CD276: variants seen among roughly 807,000 people sequenced by gnomAD.
The protein encoded by CD276 is CD276 antigen.
CD276 carries 34 observed loss-of-function variants against 50.0 expected under a neutral mutation model. That is an observed-to-expected ratio of 0.68 (90% CI 0.52 to 0.91). The LOEUF is 0.91. Among genes scored for constraint, CD276 ranks in the 40% least tolerant of loss-of-function variants. The pLI is 0.00. For synonymous variants in CD276, 275 were observed against 313.0 expected, an observed-to-expected ratio of 0.88 and a Z score of 1.28; for missense variants, 634 against 717.5, an observed-to-expected ratio of 0.88 and a Z score of 1.33.
chr15:73,702,932 G>A lies in CD276; in HGVS notation c.579G>A (p.Ser193=), dbSNP rs764632821. The change falls in exon 4 of 10, where the codon TCG becomes TCA. Residue 193 remains serine, a synonymous_variant. Coordinates refer to ENST00000318443, the MANE Select transcript of CD276 (RefSeq NM_001024736.2). ...GVPLTGNVTT[S]QMANEQGLFD... is the part of the protein sequence containing the mutation. Reference sequence around the variant, plus strand: ...CCCTGACTGGCAACGTGACCACGTCGCAGATGGCCAACGAGCAGGGCTTGT... The same window carrying A: ...CCCTGACTGGCAACGTGACCACGTCACAGATGGCCAACGAGCAGGGCTTGT... 6.9e-5 allele frequency: 112 copies of A among 1,614,030 alleles called. No homozygotes were observed. The highest frequency in any genetic ancestry group is 2.1e-4 in the South Asian group (19 of 91,092).
rs1020838329 is a variant in CD276 at position 73,704,906 on chromosome 15, A to T, written c.1369+434A>T. ...TGGCCCTCCCTAGTTAGTCCCCAAC[A>T]CCTGAGTCAACGTCAGCTCTTCTTC... On this transcript the variant is annotated intron_variant, in intron 6 of 9. Transcript: ENST00000318443. This position sits in a 1 kb window ranked among gnomAD's most constrained non-coding sequence, Gnocchi z 4.1. Among the ~76,000 whole-genome samples, 1 of 152,158 alleles carries T rather than the reference A, an allele frequency of 6.6e-6. No individual in the cohort carries two copies. Among genetic ancestry groups the T allele is most frequent in the African/African-American group, 2.4e-5 (1 of 41,462 alleles).
At position 73,709,662 on chromosome 15, in the gene CD276, G is replaced by A. The variant is rs199731294; in HGVS notation, c.1519G>A (p.Asp507Asn). The part of the protein sequence containing the change: ...EEENAGAEDQ[D>N]GEGEGSKTAL... ...TGCCTTTGCAGGAGCTGAGGACCAG[G>A]ATGGGGAGGGAGAAGGCTCCAAGAC... Residue 507 changes from aspartate (D) to asparagine (N), a missense_variant, in exon 8 of 10, where the codon GAT (aspartate) becomes AAT (asparagine). Physicochemically the swap from Asp to Asn is conservative, Grantham distance 23. Transcript: ENST00000318443. 26 of 1,613,126 alleles carry A rather than the reference G, an allele frequency of 1.6e-5. No individual in the cohort carries two copies. The highest frequency in any genetic ancestry group is 8.9e-5 in the East Asian group (4 of 44,868).
At chr15:73,698,740 T>A (rs866783544) in intron 1 of CD276, among the ~76,000 whole-genome samples, 2 of 137,290 alleles carry the variant, frequency 1.5e-5, no homozygotes, top group African/African-American at 7.3e-5. Flanking sequence ...ATTTGTATTT[T>A]TAGTAGAGAT....
At chr15:73,701,936 C>A (rs935374155) in intron 2 of CD276, among the ~76,000 whole-genome samples, 1 of 152,172 alleles carries the variant, frequency 6.6e-6, no homozygotes, top group Non-Finnish European at 1.5e-5. Context: ...CTGCTGGCTC[C>A]TTTTCCTCAC....
In CD276 at chr15:73,703,043, T is replaced by C; in HGVS notation, c.690T>C (p.Asp230=). 6.2e-7 allele frequency: 1 copy of C among 1,612,862 alleles called. No individual in the cohort carries two copies. The change falls in exon 4 of 10, where the codon GAT becomes GAC. Residue 230 remains aspartate, a synonymous_variant. Coordinates refer to ENST00000318443, the MANE Select transcript of CD276 (RefSeq NM_001024736.2). ...CLVRNPVLQQ[D]AHSSVTITPQ... ...TGCGCAACCCCGTGCTGCAGCAGGA[T>C]GCGCACAGCTCTGTCACCATCACAC... is the stretch of plus-strand genomic sequence containing the variant.
At chr15:73,703,573 A>G (rs1361673916) in intron 4 of CD276, 86 bp from the exon 5 acceptor site, 2 of 1,064,542 alleles carry the variant, frequency 1.9e-6, no homozygotes, top group South Asian at 1.6e-5. Context: ...CTGGGAATTG[A>G]TGGGGGAAGA....
At position 73,708,669 on chromosome 15, in the gene CD276, T is replaced by C. The variant is rs1447347495; in HGVS notation, c.1504+196T>C. 4 of 624,548 alleles carry C rather than the reference T, an allele frequency of 6.4e-6. No individual in the cohort carries two copies. In the African/African-American group the frequency reaches 7.4e-5, roughly 11 times the overall value. 38.7% of individuals were successfully genotyped at this position (624,548 alleles called of 1,614,324 possible). ...GAACAAGCGTGAGCCTGTCTGTCCATGTGCAGATACCACAGGATGAATGTG... is the reference window on the plus strand; with the variant it reads ...GAACAAGCGTGAGCCTGTCTGTCCACGTGCAGATACCACAGGATGAATGTG... On this transcript the variant is annotated intron_variant, in intron 7 of 9. Transcript: ENST00000318443.
Position 73,704,583 on chromosome 15 carries a change from T to G in CD276, c.1369+111T>G. 4 of 1,371,762 alleles carry G rather than the reference T, an allele frequency of 2.9e-6. No individual in the cohort carries two copies. Among genetic ancestry groups the G allele is most frequent in the Non-Finnish European group, 3.9e-6 (4 of 1,017,218 alleles). The allele number at this position is 1,371,762 out of a possible 1,614,324, so 85.0% of individuals were successfully genotyped here. A position where few individuals can be genotyped will look rare whatever the true frequency, so the allele number is the denominator to read the frequency against. On this transcript the variant is annotated intron_variant, in intron 6 of 9. Coordinates refer to ENST00000318443, the MANE Select transcript of CD276 (RefSeq NM_001024736.2). This position sits in a 1 kb window ranked among gnomAD's most constrained non-coding sequence, Gnocchi z 4.1. ...GTGGCCAGAAGACTTTCAAAATCCCTTTCATAGACTTCAGGTGCTCACACT... is the reference window on the plus strand; with the variant it reads ...GTGGCCAGAAGACTTTCAAAATCCCGTTCATAGACTTCAGGTGCTCACACT...
At chr15:73,708,607 G>C (rs1345565395) in intron 7 of CD276, 134 bp downstream of exon 7, 2 of 1,066,086 alleles carry the variant, frequency 1.9e-6, no homozygotes, top group Non-Finnish European at 2.7e-6. Context: ...GGCTGGATTT[G>C]TCTGTGTGTG....
intron 1 of CD276, among the ~76,000 whole-genome samples, chr15:73,689,192 G>T (rs74026251): frequency 0.056 from 6,954 of 124,524 alleles, 177 homozygotes; most frequent in East Asian, 0.1. Context: ...TGCCTCCTGT[G>T]TGTGTGTGTG....
intron 2 of CD276, among the ~76,000 whole-genome samples, chr15:73,701,731 GAAAAAAAA>G (rs1004138815): frequency 6.0e-5 from 9 of 150,056 alleles, no homozygotes; most frequent in Admixed American, 4.0e-4. Flanking sequence ...GTTAGGAAAA[GAAAAAAAA>G]AGAAAAAAAG....
rs779143859 is a variant in CD276, at chr15:73,703,608, T to A, written c.734-51T>A. The A allele has an allele frequency of 4.2e-6, 6 of 1,426,474 alleles. No individual in the cohort carries two copies. The Admixed American group carries it at 9.8e-5, about 23-fold the overall frequency. 88.4% of individuals were successfully genotyped at this position (1,426,474 alleles called of 1,614,324 possible). ...AGTTTGGGGGACTCGGGTGGTAGCC[T>A]AGAGAGTCCCATTTCTCCTCACCAC... On this transcript the variant is annotated intron_variant, in intron 4 of 9. Transcript: ENST00000318443.
rs1298304367 is a variant in CD276, at chr15:73,687,875, G to A, written c.-55+3415G>A. Among the ~76,000 whole-genome samples, 3 of 152,144 alleles carry A rather than the reference G, an allele frequency of 2.0e-5. No homozygotes were observed. The highest frequency in any genetic ancestry group is 4.4e-5 in the Non-Finnish European group (3 of 68,014). On this transcript the variant is annotated intron_variant, in intron 1 of 9. Coordinates refer to ENST00000318443, the MANE Select transcript of CD276 (RefSeq NM_001024736.2). The surrounding 1 kb of genome is among the most constrained non-coding windows in gnomAD (Gnocchi z 4.0). ...GGAGAGATACTGTCTCTGGGAGGCA[G>A]GGGTCCCAAGTTACCCTAGAGGCAA...
At chr15:73,708,255 T>C in intron 6 of CD276, 84 bp from the exon 7 acceptor site, 11 of 1,494,744 alleles carry the variant, frequency 7.4e-6, no homozygotes, top group African/African-American at 1.4e-5. Flanking sequence ...TGGGAGCCCC[T>C]GTTCACACTT....
At position 73,702,559 on chromosome 15, in the gene CD276, T is replaced by G; in HGVS notation, c.384T>G (p.Asp128Glu). 2 of 1,610,724 alleles carry G rather than the reference T, an allele frequency of 1.2e-6. No homozygotes were observed. Among genetic ancestry groups the G allele is most frequent in the Non-Finnish European group, 1.7e-6 (2 of 1,179,426 alleles). The part of the protein sequence containing the change: ...GSFTCFVSIR[D>E]FGSAAVSLQV... ...TCACCTGCTTCGTGAGCATCCGGGA[T>G]TTCGGCAGCGCTGCCGTCAGCCTGC... The change falls in exon 3 of 10, where the codon GAT becomes GAG. Residue 128 changes from aspartate (D) to glutamate (E), a missense_variant. Asp to Glu is a conservative substitution (Grantham distance 45). Coordinates refer to ENST00000318443, the MANE Select transcript of CD276 (RefSeq NM_001024736.2).
chr15:73,689,766 G>A (rs1899918847), intron 1 of CD276, among the ~76,000 whole-genome samples: 1 of 152,126 alleles, frequency 6.6e-6, no homozygotes, highest in Non-Finnish European at 1.5e-5. Flanking sequence ...TTAAACACTA[G>A]TGCTAACTTC....
chr15:73,705,790 G>A (rs1900625693), intron 6 of CD276, among the ~76,000 whole-genome samples: 1 of 152,176 alleles, frequency 6.6e-6, no homozygotes, highest in Admixed American at 6.5e-5. Flanking sequence ...GGCCTTGAAG[G>A]ATAAGGGGTC....
rs1373133754 is a variant in CD276, at chr15:73,708,358, C to T, written c.1389C>T (p.Pro463=). ...TCTCAGGGCAGCCTATGACATTCCC[C>T]CCAGAGGCCCTGTGGGTGACCGTGG... is the stretch of plus-strand genomic sequence containing the variant. ...VTITGQPMTF[P]PEALWVTVGL... The change falls in exon 7 of 10, where the codon CCC becomes CCT. Residue 463 remains proline (P), a synonymous_variant. Transcript: ENST00000318443. The T allele has an allele frequency of 6.2e-7, 1 of 1,614,180 alleles. No homozygotes were observed. The highest frequency in any genetic ancestry group is 1.3e-5 in the African/African-American group (1 of 75,060).
chr15:73,688,929 T>C (rs1899870820), intron 1 of CD276, among the ~76,000 whole-genome samples: 1 of 152,180 alleles, frequency 6.6e-6, no homozygotes, highest in South Asian at 2.1e-4. Flanking sequence ...GAGTGCAGTC[T>C]GGAAAGGCTT....
Sources: gnomAD v4.1 joint callset for allele counts (sites outside exome capture counted in the v4.1 genomes callset) on GRCh38, gnomAD v4.1.1 for gene constraint, Gnocchi (gnomAD v3.1) non-coding constraint, MANE v1.5 for transcripts, NCBI Gene and HGNC (gene_info 2026-07-23, HGNC 2026-07-21) for gene names.